The following TIA1 variants were observed in gnomAD, a reference collection of about 807,000 sequenced individuals.
TIA1 encodes the protein cytotoxic granule associated RNA binding protein TIA1.
In TIA1, 23 loss-of-function variants were observed where a neutral mutation model predicts 65.9. The ratio of observed to expected loss-of-function variants is 0.35; its 90% confidence interval spans 0.25 to 0.49. The LOEUF (loss-of-function observed/expected upper bound fraction) is 0.49. Ranked by LOEUF, TIA1 falls within the 20% of genes least tolerant of loss-of-function variation. The pLI is 0.98. For missense variants in TIA1, 371 were observed against 477.9 expected (o/e 0.78, Z 2.09); for synonymous variants, 147 against 149.4 (o/e 0.98, Z 0.12).
chr2:70,216,356 A>G (rs1291386248), intron 9 of TIA1, 48 bp downstream of exon 9: 1 of 1,585,452 alleles, frequency 6.3e-7, no homozygotes, highest in Non-Finnish European at 8.6e-7. Flanking sequence ...TACAAATATT[A>G]AGCTTTGCAC....
intron 11 of TIA1, 145 bp downstream of exon 11, chr2:70,215,226 T>G (rs773083008): frequency 9.9e-7 from 1 of 1,013,658 alleles, no homozygotes; most frequent in Non-Finnish European, 1.4e-6. Context: ...TGAAACACCA[T>G]TCTGGAACTA....
intron 1 of TIA1, among the ~76,000 whole-genome samples, chr2:70,243,779 T>C (rs1692971490): frequency 6.6e-6 from 1 of 152,224 alleles, no homozygotes; most frequent in Admixed American, 6.5e-5. Context: ...ATGCCACATC[T>C]AAGCCACTGG....
chr2:70,236,911 G>T (rs1689243797), intron 1 of TIA1, among the ~76,000 whole-genome samples: 1 of 152,148 alleles, frequency 6.6e-6, no homozygotes, highest in Admixed American at 6.5e-5. Flanking sequence ...AAAGATTACA[G>T]GCATGAGGCA....
intron 1 of TIA1, among the ~76,000 whole-genome samples, chr2:70,247,839 G>A (rs1041992866): frequency 1.3e-5 from 2 of 151,996 alleles, no homozygotes; most frequent in African/African-American, 4.8e-5. Flanking sequence ...AAAGCCAGAG[G>A]TTAAAGAAAA....
At chr2:70,244,031 C>T (rs534002290) in intron 1 of TIA1, among the ~76,000 whole-genome samples, 1 of 152,324 alleles carries the variant, frequency 6.6e-6, no homozygotes, top group South Asian at 2.1e-4. Context: ...TCCGTATGAT[C>T]TGGCATTTTC....
chr2:70,226,202 AC>A (rs1234537187), intron 6 of TIA1, among the ~76,000 whole-genome samples: 1 of 152,138 alleles, frequency 6.6e-6, no homozygotes, highest in Non-Finnish European at 1.5e-5. Context: ...AAATCTACAG[AC>A]TAAAAATATG....
chr2:70,225,067 A>G, intron 6 of TIA1: 3 of 982,198 alleles, frequency 3.1e-6, no homozygotes, highest in Non-Finnish European at 3.7e-6. Context: ...AGAATGAAAA[A>G]GTTGTATATT....
At position 70,216,423 on chromosome 2, in the gene TIA1, A is replaced by G. The variant is rs1391326351; in HGVS notation, c.660T>C (p.Gly220=). ...SPSNCTVYCG[G]VTSGLTEQLM... ...CCATACCTGTTAGCCCAGAAGTAAC[A>G]CCTCCACAGTATACAGTACAGTTGC... Residue 220 remains glycine, a synonymous_variant, in exon 9 of 13, where the codon GGT becomes GGC. Transcript: ENST00000433529. 6.2e-7 allele frequency: 1 copy of G among 1,612,476 alleles called. No homozygotes were observed. Among genetic ancestry groups the G allele is most frequent in the South Asian group, 1.1e-5 (1 of 90,584 alleles).
chr2:70,247,922 CGAG>C (rs894272361), intron 1 of TIA1, among the ~76,000 whole-genome samples: 1 of 149,666 alleles, frequency 6.7e-6, no homozygotes, highest in Non-Finnish European at 1.5e-5. Context: ...CAAGCACCCT[CGAG>C]GAGGAAAAAA....
intron 8 of TIA1, 174 bp downstream of exon 8, chr2:70,216,712 A>G: frequency 6.7e-7 from 1 of 1,497,834 alleles, no homozygotes; most frequent in Non-Finnish European, 8.9e-7. Context: ...TTGACATTAG[A>G]AATAATATTA....
In TIA1 at chr2:70,226,129, AT is replaced by A. The variant is rs1683686229; in HGVS notation, c.399-1501del. 5.3e-5 allele frequency among the ~76,000 whole-genome samples: 8 copies of A among 152,242 alleles called. No homozygotes were observed. The South Asian group carries it at 1.7e-3, about 32-fold the overall frequency. ...TTATACATTATCTCAATTGAAAATC[AT>A]AAAACTTAAAGGTCTTACCAAGAAA... On this transcript the variant is annotated intron_variant, in intron 6 of 12. Coordinates refer to ENST00000433529, the MANE Select transcript of TIA1 (RefSeq NM_022173.4).
At chr2:70,215,755 T>A in intron 10 of TIA1, 1 of 340,994 alleles carries the variant, frequency 2.9e-6, no homozygotes, top group South Asian at 3.5e-5. Context: ...AAATTTCAAT[T>A]TTTTTTTTTT....
intron 7 of TIA1, 54 bp downstream of exon 7, chr2:70,224,500 T>C (rs768455075): frequency 1.9e-6 from 3 of 1,605,948 alleles, no homozygotes; most frequent in Non-Finnish European, 1.7e-6. Flanking sequence ...TAAAACGGAG[T>C]GTTTCCATTC....
intron 2 of TIA1, among the ~76,000 whole-genome samples, chr2:70,235,836 A>G (rs1688661393): frequency 6.6e-6 from 1 of 152,174 alleles, no homozygotes; most frequent in Admixed American, 6.5e-5. Context: ...AACTAGTTCT[A>G]TTGTCATCTT....
At chr2:70,240,476 G>A (rs934302280) in intron 1 of TIA1, among the ~76,000 whole-genome samples, 3 of 152,210 alleles carry the variant, frequency 2.0e-5, no homozygotes, top group Admixed American at 2.0e-4. Flanking sequence ...CGCAGCCCCA[G>A]CTACTTGAGA....
At chr2:70,224,460 T>TA in intron 7 of TIA1, 94 bp downstream of exon 7, 16 of 1,552,370 alleles carry the variant, frequency 1.0e-5, no homozygotes, top group Non-Finnish European at 1.3e-5. Context: ...ATCAGTAAAA[T>TA]AAACAGCAGA....
chr2:70,226,002 C>T lies in TIA1; in HGVS notation c.399-1373G>A, dbSNP rs959657462. Among the ~76,000 whole-genome samples the T allele has an allele frequency of 5.3e-5, 8 of 152,104 alleles. No individual in the cohort carries two copies. In the South Asian group the frequency reaches 1.2e-3, roughly 24 times the overall value. ...TCAACATACAGTTATCAACTTATCTCCTTTAACAACAACAAAAAATCAGGA... is the reference window on the plus strand; with the variant it reads ...TCAACATACAGTTATCAACTTATCTTCTTTAACAACAACAAAAAATCAGGA... On this transcript the variant is annotated intron_variant, in intron 6 of 12. Coordinates refer to ENST00000433529, the MANE Select transcript of TIA1 (RefSeq NM_022173.4).
chr2:70,216,068 T>A (rs1678514677), intron 10 of TIA1, 140 bp downstream of exon 10: 1 of 876,474 alleles, frequency 1.1e-6, no homozygotes, highest in Admixed American at 3.1e-5. Flanking sequence ...TCAACTTTTT[T>A]ATAACCAAGG....
At chr2:70,220,023 CT>C (rs139976907) in intron 7 of TIA1, among the ~76,000 whole-genome samples, 3,666 of 152,152 alleles carry the variant, frequency 0.024, 360 homozygotes, top group Admixed American at 0.17. Flanking sequence ...GAAATATGGC[CT>C]TATTTGGAAA....
Sources: allele counts gnomAD v4.1 joint callset (sites outside exome capture counted in the v4.1 genomes callset), GRCh38; gene constraint gnomAD v4.1.1; transcripts MANE v1.5; gene names NCBI Gene and HGNC (gene_info 2026-07-23, HGNC 2026-07-21).